KHDRBS2: variants seen among roughly 807,000 people sequenced by gnomAD.
KHDRBS2 encodes KH RNA binding domain containing, signal transduction associated 2.
Under a neutral mutation model 44.3 loss-of-function variants are expected in KHDRBS2, and 26 were observed. That is an observed-to-expected ratio of 0.59 (90% CI 0.43 to 0.81). The LOEUF (loss-of-function observed/expected upper bound fraction) is 0.81, where lower values mean the gene tolerates loss of function less well. Among genes scored for constraint, KHDRBS2 ranks in the 40% least tolerant of loss-of-function variants. The probability of loss-of-function intolerance (pLI) is 0.00; values close to 1 mark genes in which losing one functional copy is unlikely to be tolerated. For missense variants in KHDRBS2, 476 were observed against 433.1 expected, an observed-to-expected ratio of 1.10 and a Z score of -0.88; for synonymous variants, 194 against 151.1, an observed-to-expected ratio of 1.28 and a Z score of -2.08.
At chr6:62,142,024 C>T (rs866911438) in intron 2 of KHDRBS2, among the ~76,000 whole-genome samples, 1 of 151,866 alleles carries the variant, frequency 6.6e-6, no homozygotes, top group Non-Finnish European at 1.5e-5. Flanking sequence ...ATTTAACTAC[C>T]GGTCCTAGAG....
At chr6:61,859,543 A>G (rs1796621908) in intron 6 of KHDRBS2, among the ~76,000 whole-genome samples, 1 of 151,890 alleles carries the variant, frequency 6.6e-6, no homozygotes, top group African/African-American at 2.4e-5. Flanking sequence ...CAAATCCCTG[A>G]AAATAAAACA....
Position 62,204,216 on chromosome 6 carries a change from C to T in KHDRBS2, c.92-26904G>A, listed in dbSNP as rs550224487. On this transcript the variant is annotated intron_variant, in intron 1 of 8. Transcript: ENST00000281156. Reference sequence around the variant, plus strand: ...AACACAAATGGATTATGACATGAGGCAATATAAAATTATTGGAAACTTACT... The same window carrying T: ...AACACAAATGGATTATGACATGAGGTAATATAAAATTATTGGAAACTTACT... 7.0e-4 allele frequency among the ~76,000 whole-genome samples: 107 copies of T among 152,176 alleles called. 2 individuals are homozygous for T. The South Asian group carries it at 0.013, about 18-fold the overall frequency.
chr6:62,034,963 T>A (rs1562691028), intron 3 of KHDRBS2, among the ~76,000 whole-genome samples: 1 of 151,904 alleles, frequency 6.6e-6, no homozygotes, highest in East Asian at 1.9e-4. Flanking sequence ...TAAAATGGCT[T>A]ATATTCAGTA....
intron 3 of KHDRBS2, among the ~76,000 whole-genome samples, chr6:62,017,779 A>C (rs1781472208): frequency 6.6e-6 from 1 of 152,150 alleles, no homozygotes; most frequent in Non-Finnish European, 1.5e-5. Context: ...AATATTTTTC[A>C]TTCTAAAGTA....
intron 4 of KHDRBS2, among the ~76,000 whole-genome samples, chr6:61,957,583 T>C (rs1306973435): frequency 1.3e-5 from 2 of 152,170 alleles, no homozygotes; most frequent in African/African-American, 2.4e-5. Context: ...CCAGGCTCAT[T>C]AGGACGAGGA....
At chr6:61,735,553 T>C (rs566110744) in intron 6 of KHDRBS2, among the ~76,000 whole-genome samples, 2 of 152,284 alleles carry the variant, frequency 1.3e-5, no homozygotes, top group East Asian at 1.9e-4. Flanking sequence ...TATATCTGTT[T>C]AGTGTTTTTA....
intron 4 of KHDRBS2, among the ~76,000 whole-genome samples, chr6:61,927,887 C>G (rs1447908031): frequency 3.3e-5 from 5 of 152,090 alleles, no homozygotes; most frequent in Non-Finnish European, 7.4e-5. Flanking sequence ...AGTTATCTAT[C>G]TACAAATTAA....
intron 6 of KHDRBS2, among the ~76,000 whole-genome samples, chr6:61,828,205 T>C (rs1791222183): frequency 6.6e-6 from 1 of 152,196 alleles, no homozygotes; most frequent in Non-Finnish European, 1.5e-5. Context: ...CTCTGATCAA[T>C]GGATTCAATG....
chr6:61,893,919 C>T (rs1251442670), intron 6 of KHDRBS2, among the ~76,000 whole-genome samples: 3 of 151,520 alleles, frequency 2.0e-5, no homozygotes, highest in African/African-American at 4.9e-5. Context: ...AAAACATTTA[C>T]AGAAGACTTC....
At chr6:62,244,166 C>T (rs556586921) in intron 1 of KHDRBS2, among the ~76,000 whole-genome samples, 6 of 152,162 alleles carry the variant, frequency 3.9e-5, no homozygotes, top group South Asian at 4.2e-4. Flanking sequence ...TAAACGTACA[C>T]GTGAAACTAT....
intron 3 of KHDRBS2, among the ~76,000 whole-genome samples, chr6:61,988,906 C>T (rs1464859829): frequency 6.6e-6 from 1 of 152,072 alleles, no homozygotes; most frequent in Non-Finnish European, 1.5e-5. Flanking sequence ...GAACACATGC[C>T]ATTTAAACAC....
intron 6 of KHDRBS2, among the ~76,000 whole-genome samples, chr6:61,828,822 T>G (rs553709530): frequency 3.9e-5 from 6 of 152,360 alleles, no homozygotes; most frequent in African/African-American, 1.2e-4. Context: ...ATTTTTGCTA[T>G]TTTTCATTTG....
chr6:61,830,876 A>AT (rs1488897442), intron 6 of KHDRBS2, among the ~76,000 whole-genome samples: 2 of 152,184 alleles, frequency 1.3e-5, no homozygotes, highest in African/African-American at 4.8e-5. Context: ...CATCTGTAAC[A>AT]TTTTATTCTG....
chr6:61,783,933 A>C (rs1266987805), intron 6 of KHDRBS2, among the ~76,000 whole-genome samples: 2 of 152,024 alleles, frequency 1.3e-5, no homozygotes, highest in African/African-American at 4.8e-5. Flanking sequence ...CTTTTAAATT[A>C]TAAAGTGTGA....
intron 4 of KHDRBS2, among the ~76,000 whole-genome samples, chr6:61,954,540 A>G (rs1458873967): frequency 6.8e-6 from 1 of 147,758 alleles, no homozygotes; most frequent in Non-Finnish European, 1.5e-5. Flanking sequence ...ACGTATGTAT[A>G]CATATATATG....
intron 3 of KHDRBS2, among the ~76,000 whole-genome samples, chr6:62,017,091 C>G (rs1250803906): frequency 6.6e-6 from 1 of 152,038 alleles, no homozygotes; most frequent in Non-Finnish European, 1.5e-5. Context: ...TAAGGTATAT[C>G]AAATGAACCA....
chr6:61,789,240 G>A (rs1222189727), intron 6 of KHDRBS2, among the ~76,000 whole-genome samples: 3 of 151,280 alleles, frequency 2.0e-5, no homozygotes, highest in Admixed American at 1.3e-4. Flanking sequence ...GCATTTAATA[G>A]ACATTAGCAA....
the KHDRBS2 span, among the ~76,000 whole-genome samples, chr6:61,671,790 G>A: frequency 2.0e-5 from 3 of 151,436 alleles, no homozygotes; most frequent in Non-Finnish European, 4.4e-5. Context: ...ATGACTGCAT[G>A]GCTTATACAA....
the KHDRBS2 span, among the ~76,000 whole-genome samples, chr6:61,555,625 A>G: frequency 7.9e-5 from 12 of 152,122 alleles, no homozygotes; most frequent in African/African-American, 2.7e-4. Context: ...ATTCTTTTAC[A>G]TCTGTATAGG....
Sources: allele counts gnomAD v4.1 joint callset (sites outside exome capture counted in the v4.1 genomes callset), GRCh38; gene constraint gnomAD v4.1.1; transcripts MANE v1.5; gene names NCBI Gene and HGNC (gene_info 2026-07-23, HGNC 2026-07-21).